The following CYB5R4 variants were observed in gnomAD, a reference collection of about 807,000 sequenced individuals.
CYB5R4 encodes the protein N-terminal cytochrome b5 and cytochrome b5 oxidoreductase domain-containing protein.
CYB5R4 carries 55 observed loss-of-function variants against 70.2 expected under a neutral mutation model. That is an observed-to-expected ratio of 0.78 (90% CI 0.63 to 0.98). The LOEUF is 0.98. Among genes scored for constraint, CYB5R4 ranks in the 50% least tolerant of loss-of-function variants. The pLI is 0.00. For missense variants in CYB5R4, 562 were observed against 612.6 expected (o/e 0.92, Z 0.87); for synonymous variants, 197 against 199.5 (o/e 0.99, Z 0.11).
intron 13 of CYB5R4, 69 bp downstream of exon 13, chr6:83,940,275 G>T (rs61756914): frequency 0.1 from 144,314 of 1,395,164 alleles, 8,683 homozygotes; most frequent in Non-Finnish European, 0.12. Flanking sequence ...ATTCTAAATT[G>T]ATTACTCACT....
intron 5 of CYB5R4, 120 bp from the exon 6 acceptor site, chr6:83,917,885 G>T (rs2099465763): frequency 2.6e-6 from 2 of 759,084 alleles, no homozygotes; most frequent in South Asian, 3.5e-5. Context: ...ATATTGAGTA[G>T]TACATTTGTG....
chr6:83,926,202 A>G (rs1009158223), intron 10 of CYB5R4: 8 of 152,220 alleles, frequency 5.3e-5, no homozygotes, highest in African/African-American at 1.9e-4. Context: ...TATATTCACT[A>G]TATGGCTGGA....
intron 7 of CYB5R4, among the ~76,000 whole-genome samples, chr6:83,919,782 GT>G (rs2099466074): frequency 6.7e-6 from 1 of 149,488 alleles, no homozygotes; most frequent in African/African-American, 2.4e-5. Flanking sequence ...GTGTGTGTGT[GT>G]GTGTGTGTGT....
At chr6:83,921,471 C>T (rs1236933249) in intron 8 of CYB5R4, among the ~76,000 whole-genome samples, 1 of 152,172 alleles carries the variant, frequency 6.6e-6, no homozygotes. Context: ...AAGAAGTCTT[C>T]CAAGGCCCAT....
chr6:83,936,675 CT>C (rs1385379616), intron 12 of CYB5R4, among the ~76,000 whole-genome samples: 1 of 152,174 alleles, frequency 6.6e-6, no homozygotes, highest in Non-Finnish European at 1.5e-5. Flanking sequence ...ATCTCAGTGA[CT>C]TTTTCAGCTA....
rs577714870 is a variant in CYB5R4, at chr6:83,949,997, A to C, written c.1347-5301A>C. Among the ~76,000 whole-genome samples, 8 of 152,298 alleles carry C rather than the reference A, an allele frequency of 5.3e-5. No homozygotes were observed. The East Asian group carries it at 1.5e-3, about 29-fold the overall frequency. On this transcript the variant is annotated intron_variant, in intron 14 of 15. Coordinates refer to ENST00000369681, the MANE Select transcript of CYB5R4 (RefSeq NM_016230.4). ...TGTAACATCTATTATGTACCTGTACACATGGATCCAACAGTGACACGATAT... is the reference window on the plus strand; with the variant it reads ...TGTAACATCTATTATGTACCTGTACCCATGGATCCAACAGTGACACGATAT...
intron 12 of CYB5R4, 41 bp from the exon 13 acceptor site, chr6:83,940,015 G>GTT (rs370968292): frequency 1.4e-3 from 1,558 of 1,149,860 alleles, no homozygotes; most frequent in South Asian, 2.5e-3. Flanking sequence ...TTTGTTTTTT[G>GTT]TTTTTTTTTT....
chr6:83,921,054 A>G, intron 7 of CYB5R4, 28 bp from the exon 8 acceptor site: 1 of 1,430,188 alleles, frequency 7.0e-7, no homozygotes, highest in Non-Finnish European at 9.4e-7. Context: ...TTACTTTCTA[A>G]TCTTTCTATT....
At chr6:83,874,862 C>T (rs565241883) in intron 2 of CYB5R4, among the ~76,000 whole-genome samples, 2 of 151,038 alleles carry the variant, frequency 1.3e-5, no homozygotes, top group Admixed American at 6.6e-5. Context: ...CTCACTCTGT[C>T]GCCAGGCTGG....
chr6:83,919,535 T>C lies in CYB5R4; in HGVS notation c.564+81T>C, dbSNP rs998755575. 1.2e-5 allele frequency: 8 copies of C among 656,804 alleles called. No individual in the cohort carries two copies. The South Asian group carries it at 1.8e-4, about 15-fold the overall frequency. The allele number at this position is 656,804 out of a possible 1,614,324, so 40.7% of individuals were successfully genotyped here. A position where few individuals can be genotyped will look rare whatever the true frequency, so the allele number is the denominator to read the frequency against. Reference sequence around the variant, plus strand: ...CCAGGTCTTTTTCTAAACACTTTTTTATATTATTTACTTCTCACTATAATT... The same window carrying C: ...CCAGGTCTTTTTCTAAACACTTTTTCATATTATTTACTTCTCACTATAATT... On this transcript the variant is annotated intron_variant, in intron 7 of 15. Coordinates refer to ENST00000369681, the MANE Select transcript of CYB5R4 (RefSeq NM_016230.4).
chr6:83,918,118 G>C, intron 6 of CYB5R4, 53 bp downstream of exon 6: 1 of 1,352,280 alleles, frequency 7.4e-7, no homozygotes. Flanking sequence ...GTACAAAAAT[G>C]TACACATTTA....
chr6:83,914,486 C>T (rs1588574617), intron 5 of CYB5R4, 38 bp downstream of exon 5: 1 of 1,453,804 alleles, frequency 6.9e-7, no homozygotes, highest in Non-Finnish European at 9.3e-7. Context: ...ATCATATTCA[C>T]ATGCTTATGA....
intron 3 of CYB5R4, among the ~76,000 whole-genome samples, chr6:83,907,827 C>T (rs1588572292): frequency 6.6e-6 from 1 of 152,246 alleles, no homozygotes; most frequent in Admixed American, 6.5e-5. Flanking sequence ...TTTATGGCTG[C>T]CTAGTATTCC....
intron 1 of CYB5R4, among the ~76,000 whole-genome samples, chr6:83,862,998 C>T (rs2099456186): frequency 6.6e-6 from 1 of 152,148 alleles, no homozygotes; most frequent in South Asian, 2.1e-4. Context: ...ATGTAAACAT[C>T]CTTGAATGTG....
rs2099458195 is a variant in CYB5R4, at chr6:83,874,495, C to CA, written c.229+10170dup. Among the ~76,000 whole-genome samples the CA allele has an allele frequency of 1.3e-5, 2 of 151,548 alleles. 1 individual carries two copies. The highest frequency in any genetic ancestry group is 1.3e-4 in the Admixed American group (2 of 15,238). On this transcript the variant is annotated intron_variant, in intron 2 of 15. Transcript: ENST00000369681. ...GGGAATGAGCCACTGTGCCAGGCCT[C>CA]AAAGACCTCATTCTTTCTCAGACCT... is the stretch of plus-strand genomic sequence containing the variant.
At chr6:83,877,751 G>C (rs2099458808) in intron 2 of CYB5R4, among the ~76,000 whole-genome samples, 1 of 152,198 alleles carries the variant, frequency 6.6e-6, no homozygotes, top group South Asian at 2.1e-4. Flanking sequence ...GGGGACAAAT[G>C]TCTAAATCAT....
chr6:83,868,603 G>A (rs926614023), intron 2 of CYB5R4, among the ~76,000 whole-genome samples: 2 of 152,176 alleles, frequency 1.3e-5, no homozygotes, highest in African/African-American at 4.8e-5. Flanking sequence ...AAATCGGTTT[G>A]TAGGGGGATT....
intron 11 of CYB5R4, among the ~76,000 whole-genome samples, chr6:83,935,152 A>T (rs2099468737): frequency 6.6e-6 from 1 of 152,230 alleles, no homozygotes; most frequent in East Asian, 1.9e-4. Flanking sequence ...ATGATTGGAA[A>T]TGATTTTATT....
chr6:83,894,164 A>T (rs1217027040), intron 3 of CYB5R4, among the ~76,000 whole-genome samples: 2 of 152,186 alleles, frequency 1.3e-5, no homozygotes, highest in Non-Finnish European at 2.9e-5. Flanking sequence ...ATCTCAAAAG[A>T]TATTTAAATT....
Sources: gnomAD v4.1 joint callset for allele counts (sites outside exome capture counted in the v4.1 genomes callset) on GRCh38, gnomAD v4.1.1 for gene constraint, MANE v1.5 for transcripts, NCBI Gene and HGNC (gene_info 2026-07-23, HGNC 2026-07-21) for gene names.